Variants in TARBP1 observed in about 807,000 individuals in gnomAD.
TARBP1 encodes tRNA (guanosine(18)-2'-O)-methyltransferase TARBP1.
TARBP1 carries 144 observed loss-of-function variants against 178.6 expected under a neutral mutation model. The ratio of observed to expected loss-of-function variants is 0.81; its 90% confidence interval spans 0.70 to 0.93. The LOEUF (loss-of-function observed/expected upper bound fraction) is 0.93, where lower values mean the gene tolerates loss of function less well. Among genes scored for constraint, TARBP1 ranks in the 40% least tolerant of loss-of-function variants. The probability of loss-of-function intolerance (pLI) is 0.00; values close to 1 mark genes in which losing one functional copy is unlikely to be tolerated. For synonymous variants in TARBP1, 787 were observed against 781.0 expected (o/e 1.01, Z -0.13); for missense variants, 2,067 against 2,011.7 (o/e 1.03, Z -0.53).
chr1:234,463,738 A>G, intron 6 of TARBP1, 99 bp downstream of exon 6: 1 of 577,540 alleles, frequency 1.7e-6, no homozygotes, highest in East Asian at 3.3e-5. Flanking sequence ...TTTTGAAAAT[A>G]TTTATTATAA....
intron 8 of TARBP1, 75 bp from the exon 9 acceptor site, chr1:234,457,831 A>G: frequency 9.5e-7 from 1 of 1,047,396 alleles, no homozygotes; most frequent in Non-Finnish European, 1.4e-6. Flanking sequence ...ACCACTGTGA[A>G]GGCAATCAAT....
Position 234,406,036 on chromosome 1 carries a change from C to T in TARBP1, c.3856G>A (p.Val1286Ile), listed in dbSNP as rs1241045342. ...AGAGCAACTAAAGCATACAGTCGAA[C>T]ACTAAAATTGTGATTGAAACACCAC... The part of the protein sequence containing the change: ...LQWCFNHNFS[V>I]RLYALVALKK... The change falls in exon 24 of 30, where the codon GTT becomes ATT. Residue 1286 changes from valine to isoleucine, a missense_variant. By Grantham distance (29) the Val-to-Ile change is conservative. Coordinates refer to ENST00000040877, the MANE Select transcript of TARBP1 (RefSeq NM_005646.4). 6.2e-7 allele frequency: 1 copy of T among 1,614,166 alleles called. No individual in the cohort carries two copies. Among genetic ancestry groups the T allele is most frequent in the South Asian group, 1.1e-5 (1 of 91,082 alleles).
intron 11 of TARBP1, among the ~76,000 whole-genome samples, chr1:234,448,136 AC>A (rs985912742): frequency 2.0e-5 from 3 of 152,158 alleles, no homozygotes; most frequent in Non-Finnish European, 4.4e-5. Context: ...ACAGGGTTTC[AC>A]CATGTTGGCC....
chr1:234,415,749 C>T (rs1397787021), intron 22 of TARBP1, among the ~76,000 whole-genome samples: 1 of 152,212 alleles, frequency 6.6e-6, no homozygotes, highest in African/African-American at 2.4e-5. Context: ...GCTGAAGGCA[C>T]CGTGTGTCCA....
chr1:234,445,316 G>C (rs1666039670), intron 12 of TARBP1, among the ~76,000 whole-genome samples: 1 of 152,078 alleles, frequency 6.6e-6, no homozygotes, highest in Non-Finnish European at 1.5e-5. Context: ...CCCCTTCTCT[G>C]TCTACACTTG....
Position 234,393,460 on chromosome 1 carries a change from CA to C in TARBP1, c.4461del (p.Phe1487LeufsTer32). Reference sequence around the variant, plus strand: ...CTGCCAACAACGAGCACTGAAGCCCCAAATACCTCACAGGTCCTGCACAGTC... The same window carrying C: ...CTGCCAACAACGAGCACTGAAGCCCCAATACCTCACAGGTCCTGCACAGTC... Reference protein sequence around the residue: ...LGGLCRTCEVFGASVLVVGSL... With the variant: ...LGGLCRTCEVXGASVLVVGSL... On this transcript the variant is annotated frameshift_variant, in exon 28 of 30. Transcript: ENST00000040877. LOFTEE classifies it high-confidence loss of function. The C allele has an allele frequency of 6.2e-7, 1 of 1,607,220 alleles. No homozygotes were observed. The highest frequency in any genetic ancestry group is 8.5e-7 in the Non-Finnish European group (1 of 1,176,798).
At chr1:234,426,003 G>GT (rs1318425407) in intron 19 of TARBP1, among the ~76,000 whole-genome samples, 1 of 152,180 alleles carries the variant, frequency 6.6e-6, no homozygotes, top group African/African-American at 2.4e-5. Flanking sequence ...TATACAGAAA[G>GT]TATGAATGAG....
Position 234,392,543 on chromosome 1 carries a change from G to C in TARBP1, c.4570C>G (p.Pro1524Ala). 1.2e-6 allele frequency: 2 copies of C among 1,613,968 alleles called. No individual in the cohort carries two copies. The highest frequency in any genetic ancestry group is 8.5e-7 in the Non-Finnish European group (1 of 1,179,930). ...TGCTGCAGATAATCAATTAGCTGAGGTGGTTTTACCTGAATATTAGTTTAA... is the reference window on the plus strand; with the variant it reads ...TGCTGCAGATAATCAATTAGCTGAGCTGGTTTTACCTGAATATTAGTTTAA... ...QWLPLVEVKP[P>A]QLIDYLQQKK... Residue 1524 changes from proline to alanine, a missense_variant, in exon 29 of 30, where the codon CCT becomes GCT. Coordinates refer to ENST00000040877, the MANE Select transcript of TARBP1 (RefSeq NM_005646.4).
intron 20 of TARBP1, among the ~76,000 whole-genome samples, chr1:234,423,591 A>G (rs1663357010): frequency 6.6e-6 from 1 of 152,068 alleles, no homozygotes; most frequent in South Asian, 2.1e-4. Flanking sequence ...GCTGAATCCA[A>G]CAGCCGGCCT....
intron 5 of TARBP1, among the ~76,000 whole-genome samples, chr1:234,465,247 T>C (rs576061866): frequency 1.3e-5 from 2 of 152,308 alleles, no homozygotes; most frequent in African/African-American, 4.8e-5. Flanking sequence ...GAAAGGGAAA[T>C]GAGAATTCTT....
intron 8 of TARBP1, among the ~76,000 whole-genome samples, chr1:234,458,674 C>T (rs1667538563): frequency 1.3e-5 from 2 of 152,146 alleles, no homozygotes; most frequent in Admixed American, 6.5e-5. Flanking sequence ...GTAAAAAGCA[C>T]AGGATACACA....
intron 14 of TARBP1, among the ~76,000 whole-genome samples, chr1:234,431,957 T>C (rs140440322): frequency 0.015 from 2,229 of 151,138 alleles, 55 homozygotes; most frequent in African/African-American, 0.051. Flanking sequence ...GCCAACATGG[T>C]GAAACTCCAT....
intron 26 of TARBP1, among the ~76,000 whole-genome samples, chr1:234,394,385 T>C (rs1343464770): frequency 6.6e-6 from 1 of 152,252 alleles, no homozygotes; most frequent in Non-Finnish European, 1.5e-5. Context: ...CTAGCCTATC[T>C]GACTGCAGTG....
chr1:234,478,509 G>A lies in TARBP1; in HGVS notation c.595C>T (p.Leu199=), dbSNP rs750060875. 3 of 1,387,302 alleles carry A rather than the reference G, an allele frequency of 2.2e-6. No individual in the cohort carries two copies. Among genetic ancestry groups the A allele is most frequent in the East Asian group, 3.4e-5 (1 of 29,784 alleles). The allele number at this position is 1,387,302 out of a possible 1,614,324, so 85.9% of individuals were successfully genotyped here. A position where few individuals can be genotyped will look rare whatever the true frequency, so the allele number is the denominator to read the frequency against. The stretch of plus-strand genomic sequence containing the variant: ...AGCGCCGCCCCGCCACATTGGACCA[G>A]CACTGGCAGCAGTCGCCCGGCCACC... ...ALVAGRLLPV[L]VQCGGAALRA... is the part of the protein sequence containing the mutation. Residue 199 remains leucine (L), a synonymous_variant, in exon 1 of 30, where the codon CTG becomes TTG. Coordinates refer to ENST00000040877, the MANE Select transcript of TARBP1 (RefSeq NM_005646.4).
At chr1:234,438,682 C>T (rs970399861) in intron 12 of TARBP1, among the ~76,000 whole-genome samples, 1 of 152,026 alleles carries the variant, frequency 6.6e-6, no homozygotes, top group Non-Finnish European at 1.5e-5. Context: ...CCATCACAGC[C>T]CCAGAAGGAA....
chr1:234,410,600 G>A (rs1429777545), intron 22 of TARBP1, 69 bp from the exon 23 acceptor site: 17 of 1,015,518 alleles, frequency 1.7e-5, no homozygotes, highest in South Asian at 4.1e-5. Context: ...TGAAAGCGCC[G>A]TGCTGGACTC....
At chr1:234,477,179 C>T (rs960781511) in intron 1 of TARBP1, among the ~76,000 whole-genome samples, 4 of 148,738 alleles carry the variant, frequency 2.7e-5, no homozygotes, top group Non-Finnish European at 5.9e-5. Context: ...GACCGAAACT[C>T]CATAAAACAA....
intron 26 of TARBP1, chr1:234,398,122 G>A: frequency 4.1e-6 from 1 of 242,196 alleles, no homozygotes; most frequent in Non-Finnish European, 7.8e-6. Flanking sequence ...GAGGCCACTG[G>A]CCATCAGCTT....
intron 9 of TARBP1, among the ~76,000 whole-genome samples, chr1:234,454,153 A>G (rs1167287241): frequency 2.0e-5 from 3 of 152,194 alleles, no homozygotes; most frequent in Non-Finnish European, 4.4e-5. Flanking sequence ...GCTTTTTTAC[A>G]TGAATTTTCT....
Sources: allele counts gnomAD v4.1 joint callset (sites outside exome capture counted in the v4.1 genomes callset), GRCh38; gene constraint gnomAD v4.1.1; transcripts MANE v1.5; gene names NCBI Gene and HGNC (gene_info 2026-07-23, HGNC 2026-07-21).